TGM2: variants seen among roughly 807,000 people sequenced by gnomAD.
TGM2 encodes protein-glutamine gamma-glutamyltransferase 2.
In TGM2, 53 loss-of-function variants were observed where a neutral mutation model predicts 75.6. That is an observed-to-expected ratio of 0.70 (90% CI 0.56 to 0.88). TGM2 has a LOEUF of 0.88. Ranked by LOEUF, TGM2 falls within the 40% of genes least tolerant of loss-of-function variation. The pLI, the probability that TGM2 is intolerant of heterozygous loss-of-function variation, is 0.00. For synonymous variants in TGM2, 374 were observed against 381.1 expected, an observed-to-expected ratio of 0.98 and a Z score of 0.22; for missense variants, 842 against 928.5, an observed-to-expected ratio of 0.91 and a Z score of 1.21.
chr20:38,164,651 C>T lies in TGM2; in HGVS notation c.10+538G>A, dbSNP rs187946696. On this transcript the variant is annotated intron_variant, in intron 1 of 12. Transcript: ENST00000361475. ...TTTATAGGTGAGACTCAACAATTGGCCAAGGTCTAGGGTTGCAGAACGTGA... is the reference window on the plus strand; with the variant it reads ...TTTATAGGTGAGACTCAACAATTGGTCAAGGTCTAGGGTTGCAGAACGTGA... Among the ~76,000 whole-genome samples, 286 of 152,198 alleles carry T rather than the reference C, an allele frequency of 1.9e-3. 1 individual carries two copies. Among genetic ancestry groups the T allele is most frequent in the African/African-American group, 6.4e-3 (264 of 41,516 alleles).
chr20:38,145,793 A>T (rs2075037792), intron 6 of TGM2: 1 of 110,462 alleles, frequency 9.1e-6, no homozygotes. Flanking sequence ...TTTTTGAGAG[A>T]GGATCTTGCT....
Position 38,129,937 on chromosome 20 carries a change from A to C in TGM2, c.*282T>G, listed in dbSNP as rs941080669. On this transcript the variant is annotated 3_prime_UTR_variant, in exon 13 of 13. Transcript: ENST00000361475. ...CAAAGGGCATCTGGGCAGGAGAGGG[A>C]ATGTAGGTCTTTCCTCTCTCACCCC... 2.0e-4 allele frequency: 100 copies of C among 504,384 alleles called. No individual in the cohort carries two copies. The highest frequency in any genetic ancestry group is 3.2e-4 in the Non-Finnish European group (89 of 278,584). 31.2% of individuals were successfully genotyped at this position (504,384 alleles called of 1,614,324 possible).
At chr20:38,152,488 T>C (rs7268761) in intron 3 of TGM2, among the ~76,000 whole-genome samples, 1,771 of 152,268 alleles carry the variant, frequency 0.012, 44 homozygotes, top group African/African-American at 0.04. Flanking sequence ...GAACCCACAG[T>C]GTTTCAACAT....
rs141603506 is a variant in TGM2 at position 38,142,070 on chromosome 20, A to T, written c.989T>A (p.Met330Lys). ...FGEIQGDKSE[M>K]IWNFHCWVES... ...ACCCTGGCCCCCACCTCACCAGATC[A>T]TCTCGCTCTTGTCACCCTGGATCTC... Residue 330 changes from methionine (M) to lysine (K), a missense_variant, in exon 7 of 13, where the codon ATG becomes AAG. Coordinates refer to ENST00000361475, the MANE Select transcript of TGM2 (RefSeq NM_004613.4). 3 of 1,614,032 alleles carry T rather than the reference A, an allele frequency of 1.9e-6. No homozygotes were observed. Among genetic ancestry groups the T allele is most frequent in the East Asian group, 2.2e-5 (1 of 44,876 alleles).
intron 2 of TGM2, among the ~76,000 whole-genome samples, chr20:38,158,032 C>A (rs1363420936): frequency 6.6e-6 from 1 of 152,144 alleles, no homozygotes; most frequent in Admixed American, 6.5e-5. Context: ...CTCAGGACAG[C>A]CTCAGTTTAC....
intron 10 of TGM2, among the ~76,000 whole-genome samples, chr20:38,134,183 C>A (rs2074869180): frequency 6.6e-6 from 1 of 152,144 alleles, no homozygotes; most frequent in African/African-American, 2.4e-5. Flanking sequence ...GACCTTGAAC[C>A]TTTGACCGTG....
intron 10 of TGM2, among the ~76,000 whole-genome samples, chr20:38,134,653 G>C (rs17196913): frequency 0.15 from 23,307 of 152,154 alleles, 1,909 homozygotes; most frequent in East Asian, 0.29. Context: ...AGTCACCGAG[G>C]CCACATTGGC....
At chr20:38,146,514 T>C (rs2075046181) in intron 6 of TGM2, 1 of 708,158 alleles carries the variant, frequency 1.4e-6, no homozygotes. Flanking sequence ...TCTCCAATGA[T>C]AGCCCTTGAT....
At chr20:38,153,051 C>A (rs1466453966) in intron 3 of TGM2, among the ~76,000 whole-genome samples, 1 of 151,430 alleles carries the variant, frequency 6.6e-6, no homozygotes, top group East Asian at 1.9e-4. Flanking sequence ...GGGGGGGGAT[C>A]CAGTAAGGCC....
chr20:38,167,831 C>A (rs2075322786), upstream of TGM2, among the ~76,000 whole-genome samples: 1 of 152,186 alleles, frequency 6.6e-6, no homozygotes, highest in African/African-American at 2.4e-5. Context: ...GTATGTCACG[C>A]AGCTCTGGGT....
chr20:38,154,970 G>T (rs1193515022), intron 3 of TGM2, among the ~76,000 whole-genome samples: 1 of 152,238 alleles, frequency 6.6e-6, no homozygotes, highest in Admixed American at 6.5e-5. Flanking sequence ...GCCAGGCGTG[G>T]TGGCACATGC....
chr20:38,158,802 T>C (rs2075218417), intron 2 of TGM2, among the ~76,000 whole-genome samples: 1 of 152,194 alleles, frequency 6.6e-6, no homozygotes, highest in Non-Finnish European at 1.5e-5. Context: ...CATCACAAGC[T>C]ACAATGTTCC....
chr20:38,161,743 A>T, intron 1 of TGM2, 144 bp from the exon 2 acceptor site: 1 of 961,328 alleles, frequency 1.0e-6, no homozygotes, highest in Non-Finnish European at 1.6e-6. Context: ...CTGTCTCCCC[A>T]GCCCTGGTCA....
rs187948696 is a variant in TGM2 at position 38,148,108 on chromosome 20, G to T, written c.553-19C>A. ...CTTCAAACTGTGTCAGAGGAAACAA[G>T]AGGAGAAAGAGGGAGCTGGGAAGGC... On this transcript the variant is annotated intron_variant, in intron 4 of 12. Transcript: ENST00000361475. 101 of 1,613,904 alleles carry T rather than the reference G, an allele frequency of 6.3e-5. 1 individual carries two copies. The African/African-American group carries it at 1.0e-3, about 16-fold the overall frequency.
At position 38,131,052 on chromosome 20, in the gene TGM2, C is replaced by T. The variant is rs201047962; in HGVS notation, c.1913+41G>A. ...GTCTCTACCCCCACCGGCATCTGCC[C>T]GCTTCCCCCAGGCCCCAAAGCTAGA... On this transcript the variant is annotated intron_variant, in intron 12 of 12. Coordinates refer to ENST00000361475, the MANE Select transcript of TGM2 (RefSeq NM_004613.4). 85 of 1,608,160 alleles carry T rather than the reference C, an allele frequency of 5.3e-5. 2 individuals are homozygous for T. The highest frequency in any genetic ancestry group is 3.1e-4 in the East Asian group (14 of 44,878).
Position 38,161,430 on chromosome 20 carries a change from A to G in TGM2, c.180T>C (p.Ser60=). Residue 60 remains serine (S), a synonymous_variant, in exon 2 of 13, where the codon AGT becomes AGC. Transcript: ENST00000361475. ...YEASVDSLTF[S]VVTGPAPSQE... The stretch of plus-strand genomic sequence containing the variant: ...GTTGCAGGTACTCACCGGTCACGAC[A>G]CTGAAGGTGAGACTGTCTACACTGG... 1 of 1,614,128 alleles carries G rather than the reference A, an allele frequency of 6.2e-7. No individual in the cohort carries two copies. Among genetic ancestry groups the G allele is most frequent in the Non-Finnish European group, 8.5e-7 (1 of 1,180,006 alleles).
At chr20:38,155,762 GTTC>G in intron 3 of TGM2, 82 bp downstream of exon 3, 1 of 1,509,262 alleles carries the variant, frequency 6.6e-7, no homozygotes, top group Non-Finnish European at 8.9e-7. Flanking sequence ...CTTATCCCCT[GTTC>G]TTCTCACCTC....
At position 38,129,536 on chromosome 20, in the gene TGM2, C is replaced by T. The variant is rs2074801068; in HGVS notation, c.*683G>A. The T allele has an allele frequency of 6.6e-6, 1 of 152,466 alleles. No individual in the cohort carries two copies. Among genetic ancestry groups the T allele is most frequent in the Non-Finnish European group, 1.5e-5 (1 of 68,246 alleles). The allele number at this position is 152,466 out of a possible 1,614,324, so 9.4% of individuals were successfully genotyped here. A position where few individuals can be genotyped will look rare whatever the true frequency, so the allele number is the denominator to read the frequency against. ...GGGGCTGCCTCCTCTCTCTAAGCCT[C>T]AGTCTCCTTATCCTGGAAGCAGCGC... On this transcript the variant is annotated 3_prime_UTR_variant, in exon 13 of 13. Transcript: ENST00000361475.
At chr20:38,133,432 G>A (rs2074860877) in intron 10 of TGM2, 3 of 156,002 alleles carry the variant, frequency 1.9e-5, no homozygotes, top group South Asian at 2.0e-4. Context: ...AGCAAAAGCC[G>A]CACAGTGATA....
Sources: gnomAD v4.1 joint callset for allele counts (sites outside exome capture counted in the v4.1 genomes callset) on GRCh38, gnomAD v4.1.1 for gene constraint, MANE v1.5 for transcripts, NCBI Gene and HGNC (gene_info 2026-07-23, HGNC 2026-07-21) for gene names.